Variants in DICER1 observed in about 807,000 individuals in gnomAD.
The protein encoded by DICER1 is dicer 1, ribonuclease III, also known as endoribonuclease Dicer.
Under a neutral mutation model 194.1 loss-of-function variants are expected in DICER1, and 43 were observed. That is an observed-to-expected ratio of 0.22 (90% confidence interval 0.17 to 0.29). The LOEUF is 0.29. DICER1 is among the 10% of genes least tolerant of loss of function. The pLI, the probability that DICER1 is intolerant of heterozygous loss-of-function variation, is 1.00. For missense variants in DICER1, 1,608 were observed against 2,317.0 expected, an observed-to-expected ratio of 0.69 and a Z score of 6.28; for synonymous variants, 832 against 820.5, an observed-to-expected ratio of 1.01 and a Z score of -0.24.
At chr14:95,110,683 TA>T (rs1891880251) in intron 14 of DICER1, among the ~76,000 whole-genome samples, 1 of 152,124 alleles carries the variant, frequency 6.6e-6, no homozygotes, top group Admixed American at 6.5e-5. Flanking sequence ...TCTTATGAGG[TA>T]AAAATATTAA....
Position 95,112,191 on chromosome 14 carries a change from A to G in DICER1, c.2097T>C (p.Cys699=), listed in dbSNP as rs777727768. The G allele has an allele frequency of 6.2e-7, 1 of 1,614,010 alleles. No individual in the cohort carries two copies. The highest frequency in any genetic ancestry group is 2.2e-5 in the East Asian group (1 of 44,858). The change falls in exon 13 of 27, where the codon TGT becomes TGC. Residue 699 remains cysteine, a synonymous_variant. Transcript: ENST00000343455. ...LAERVVALIC[C]EKLHKIGELD... Reference sequence around the variant, plus strand: ...CCTTACCAATTTTGTGCAGTTTCTCACAGCAAATGAGAGCTACAACTCTTT... The same window carrying G: ...CCTTACCAATTTTGTGCAGTTTCTCGCAGCAAATGAGAGCTACAACTCTTT...
intron 8 of DICER1, among the ~76,000 whole-genome samples, chr14:95,123,596 T>A (rs1893127861): frequency 6.6e-6 from 1 of 152,136 alleles, no homozygotes; most frequent in Admixed American, 6.5e-5. Flanking sequence ...ATTTTTGTAT[T>A]TTTTCTAGAG....
chr14:95,115,322 C>T (rs1179501023), intron 11 of DICER1, among the ~76,000 whole-genome samples: 1 of 151,934 alleles, frequency 6.6e-6, no homozygotes, highest in Non-Finnish European at 1.5e-5. Context: ...TACTTTATTG[C>T]TAGGGGAAAA....
intron 4 of DICER1, 89 bp from the exon 5 acceptor site, chr14:95,130,281 T>C: frequency 2.3e-6 from 3 of 1,289,914 alleles, no homozygotes; most frequent in Non-Finnish European, 3.3e-6. Flanking sequence ...CATTGTATCA[T>C]AAGTGAGGAT....
At chr14:95,136,677 T>C (rs1275384505) in intron 1 of DICER1, 3 of 152,286 alleles carry the variant, frequency 2.0e-5, no homozygotes, top group Admixed American at 2.0e-4. Context: ...TTTAGGACTT[T>C]CATTTGATGG....
chr14:95,131,795 G>A (rs1244053818), intron 3 of DICER1, among the ~76,000 whole-genome samples, 156 bp from the exon 4 acceptor site: 2 of 152,052 alleles, frequency 1.3e-5, no homozygotes, highest in African/African-American at 4.8e-5. Flanking sequence ...CAGTTCCAAG[G>A]TTATCCTCCA....
At chr14:95,127,649 A>C (rs994348374) in intron 6 of DICER1, among the ~76,000 whole-genome samples, 1 of 152,244 alleles carries the variant, frequency 6.6e-6, no homozygotes, top group Non-Finnish European at 1.5e-5. Context: ...CACTTGTGGC[A>C]GCACACCAGC....
rs143099538 is a variant in DICER1, at chr14:95,116,622, A to T, written c.1583T>A (p.Ile528Lys). Residue 528 changes from isoleucine to lysine, a missense_variant, in exon 10 of 27, where the codon ATA becomes AAA. Physicochemically the swap from Ile to Lys is moderately radical, Grantham distance 102. This residue lies in a region of DICER1 where 657 missense variants were observed against 910.1 expected (regional missense o/e 0.72). Coordinates refer to ENST00000343455, the MANE Select transcript of DICER1 (RefSeq NM_177438.3). ...ACGAACCACCAAGTTGCATTTTGGTATATCAACACCCTCTTCTACAATACT... is the reference window on the plus strand; with the variant it reads ...ACGAACCACCAAGTTGCATTTTGGTTTATCAACACCCTCTTCTACAATACT... ...ATSIVEEGVD[I>K]PKCNLVVRFD... 1 of 1,614,106 alleles carries T rather than the reference A, an allele frequency of 6.2e-7. No individual in the cohort carries two copies. Among genetic ancestry groups the T allele is most frequent in the Non-Finnish European group, 8.5e-7 (1 of 1,179,962 alleles).
At chr14:95,100,078 GT>G in intron 21 of DICER1, 143 bp from the exon 22 acceptor site, 2 of 857,618 alleles carry the variant, frequency 2.3e-6, no homozygotes, top group Non-Finnish European at 1.8e-6. Flanking sequence ...GGGCTCTACA[GT>G]TTTTCTACCC....
chr14:95,125,714 AGGAGGGGAGGAAGAGGG>A (rs1221739629), intron 7 of DICER1, among the ~76,000 whole-genome samples: 1 of 25,372 alleles, frequency 3.9e-5, no homozygotes, highest in Non-Finnish European at 6.9e-5. Flanking sequence ...GAGAGGGAGG[AGGAGGGGAGGAAGAGGG>A]GGAGGGGAGG....
At chr14:95,132,492 T>C (rs1177843534) in intron 3 of DICER1, 23 bp downstream of exon 3, 1 of 1,612,714 alleles carries the variant, frequency 6.2e-7, no homozygotes, top group South Asian at 1.1e-5. Context: ...CCTGCACAAC[T>C]TGATAAAATA....
At chr14:95,100,441 GC>G (rs1890777650) in intron 21 of DICER1, among the ~76,000 whole-genome samples, 1 of 152,118 alleles carries the variant, frequency 6.6e-6, no homozygotes, top group Admixed American at 6.5e-5. Context: ...TAGAATCGAA[GC>G]CACAAACGGG....
At chr14:95,110,163 T>TA (rs966309045) in intron 14 of DICER1, among the ~76,000 whole-genome samples, 87 of 150,584 alleles carry the variant, frequency 5.8e-4, no homozygotes, top group South Asian at 3.0e-3. Flanking sequence ...ATTTCTAAAT[T>TA]AAAAAAAAAC....
At chr14:95,129,425 T>C in intron 6 of DICER1, 47 bp downstream of exon 6, 1 of 1,582,712 alleles carries the variant, frequency 6.3e-7, no homozygotes, top group Non-Finnish European at 8.7e-7. Context: ...GACTTAATAT[T>C]GTTTTCAACT....
chr14:95,126,519 A>G lies in DICER1; in HGVS notation c.903+61T>C. 3.6e-6 allele frequency: 4 copies of G among 1,096,468 alleles called. No homozygotes were observed. The South Asian group carries it at 5.5e-5, about 15-fold the overall frequency. The allele number at this position is 1,096,468 out of a possible 1,614,324, so 67.9% of individuals were successfully genotyped here. A position where few individuals can be genotyped will look rare whatever the true frequency, so the allele number is the denominator to read the frequency against. On this transcript the variant is annotated intron_variant, in intron 7 of 26. Coordinates refer to ENST00000343455, the MANE Select transcript of DICER1 (RefSeq NM_177438.3). ...CCGCATTAAGCATATTTTCATTTCA[A>G]TATTAAAAATTAACAAAGCTTTCAA...
rs574235687 is a variant in DICER1 at position 95,103,318 on chromosome 14, T to C, written c.4050+28A>G. 8.1e-6 allele frequency: 13 copies of C among 1,608,426 alleles called. No individual in the cohort carries two copies. The South Asian group carries it at 9.9e-5, about 12-fold the overall frequency. On this transcript the variant is annotated intron_variant, in intron 21 of 26. Transcript: ENST00000343455. Reference sequence around the variant, plus strand: ...CTTTCAGGCACACTGAATAATTAACTGCTCAAAATAAAAAAATCATCTCTT... The same window carrying C: ...CTTTCAGGCACACTGAATAATTAACCGCTCAAAATAAAAAAATCATCTCTT...
intron 6 of DICER1, among the ~76,000 whole-genome samples, chr14:95,128,001 T>G (rs967342081): frequency 6.6e-6 from 1 of 152,240 alleles, no homozygotes; most frequent in Non-Finnish European, 1.5e-5. Flanking sequence ...TCTGTGTGAA[T>G]TTTTAATATT....
chr14:95,127,989 T>C (rs1893627296), intron 6 of DICER1, among the ~76,000 whole-genome samples: 3 of 152,212 alleles, frequency 2.0e-5, no homozygotes, highest in Admixed American at 1.3e-4. Flanking sequence ...TCCATTTCCA[T>C]ATCTGTGTGA....
At chr14:95,097,807 G>C (rs1019513187) in intron 22 of DICER1, among the ~76,000 whole-genome samples, 4 of 152,128 alleles carry the variant, frequency 2.6e-5, no homozygotes, top group African/African-American at 9.7e-5. Context: ...ATAGCAGTAA[G>C]CCAAGCCATA....
Sources: gnomAD v4.1 joint callset for allele counts (sites outside exome capture counted in the v4.1 genomes callset) on GRCh38, gnomAD v4.1.1 for gene constraint, gnomAD v4.1.1 regional missense constraint, MANE v1.5 for transcripts, NCBI Gene and HGNC (gene_info 2026-07-23, HGNC 2026-07-21) for gene names.